Variants in LIN7A observed in about 807,000 individuals in gnomAD.
The protein encoded by LIN7A is lin-7 cell polarity scaffold A.
A neutral mutation model predicts 29.8 loss-of-function variants in LIN7A; 25 were observed. That is an observed-to-expected ratio of 0.84 (90% confidence interval 0.61 to 1.17). The LOEUF is 1.17. Among genes scored for constraint, LIN7A ranks in the 50% most tolerant of loss-of-function variants. The probability of loss-of-function intolerance (pLI) is 0.00; values close to 1 mark genes in which losing one functional copy is unlikely to be tolerated. For synonymous variants in LIN7A, 118 were observed against 107.5 expected (o/e 1.10, Z -0.60); for missense variants, 239 against 287.0 (o/e 0.83, Z 1.21).
At chr12:80,886,241 G>A (rs1258603962) in intron 2 of LIN7A, among the ~76,000 whole-genome samples, 1 of 151,000 alleles carries the variant, frequency 6.6e-6, no homozygotes, top group East Asian at 1.9e-4. Flanking sequence ...CAGTACCCAA[G>A]ACACCAGAAG....
At chr12:80,815,890 AG>A (rs1871506199) in intron 4 of LIN7A, among the ~76,000 whole-genome samples, 1 of 152,162 alleles carries the variant, frequency 6.6e-6, no homozygotes, top group Non-Finnish European at 1.5e-5. Context: ...GAACAGCCTG[AG>A]GGTATATAGT....
chr12:80,838,176 G>A (rs1048084988), intron 4 of LIN7A, among the ~76,000 whole-genome samples: 4 of 152,118 alleles, frequency 2.6e-5, no homozygotes, highest in Non-Finnish European at 5.9e-5. Context: ...GAGACTTGCC[G>A]TTTAGCACCG....
chr12:80,848,050 T>A, intron 3 of LIN7A: 1 of 673,842 alleles, frequency 1.5e-6, no homozygotes, highest in Non-Finnish European at 2.7e-6. Context: ...TCTCCTTTCT[T>A]AAGCTACAGA....
intron 1 of LIN7A, among the ~76,000 whole-genome samples, chr12:80,890,970 T>TC (rs1165821614): frequency 2.6e-5 from 4 of 151,172 alleles, no homozygotes; most frequent in Admixed American, 1.3e-4. Context: ...TCATTTTTTT[T>TC]CCCCCTAAAA....
chr12:80,813,402 ATAACT>A (rs907211975), intron 4 of LIN7A, among the ~76,000 whole-genome samples: 31 of 152,336 alleles, frequency 2.0e-4, no homozygotes, highest in East Asian at 3.9e-4. Context: ...CAGACTGCTA[ATAACT>A]TAACAAAAAC....
intron 2 of LIN7A, among the ~76,000 whole-genome samples, chr12:80,873,773 A>T (rs1874541785): frequency 6.6e-6 from 1 of 151,792 alleles, no homozygotes; most frequent in African/African-American, 2.4e-5. Flanking sequence ...CTAATCCCTC[A>T]CCTGGACTAT....
At chr12:80,923,299 C>T (rs1208463179) in intron 1 of LIN7A, among the ~76,000 whole-genome samples, 1 of 152,146 alleles carries the variant, frequency 6.6e-6, no homozygotes, top group Non-Finnish European at 1.5e-5. Context: ...GCTGGCTTTC[C>T]TGGTTCTGAG....
chr12:80,876,076 C>A (rs2400844), intron 2 of LIN7A, among the ~76,000 whole-genome samples: 2 of 147,802 alleles, frequency 1.4e-5, no homozygotes, highest in Admixed American at 6.7e-5. Context: ...CACACACACA[C>A]ACACAGAGAG....
chr12:80,830,666 A>C (rs1449009062), intron 4 of LIN7A, among the ~76,000 whole-genome samples: 1 of 152,224 alleles, frequency 6.6e-6, no homozygotes, highest in South Asian at 2.1e-4. Context: ...TAAAAATTGA[A>C]AATGAAAGTG....
intron 4 of LIN7A, among the ~76,000 whole-genome samples, chr12:80,816,238 C>T (rs1276197744): frequency 6.6e-6 from 1 of 152,084 alleles, no homozygotes; most frequent in African/African-American, 2.4e-5. Flanking sequence ...GACCCCATCT[C>T]TACAAAGAAT....
chr12:80,904,042 A>G (rs1185628890), intron 1 of LIN7A, among the ~76,000 whole-genome samples: 5 of 152,090 alleles, frequency 3.3e-5, no homozygotes, highest in African/African-American at 1.2e-4. Flanking sequence ...ACTTTTTTCT[A>G]TGTGGGCAAG....
At chr12:80,845,236 CAAAAAA>C (rs68031488) in intron 4 of LIN7A, among the ~76,000 whole-genome samples, 24 of 118,572 alleles carry the variant, frequency 2.0e-4, no homozygotes, top group Middle Eastern at 4.7e-3. Flanking sequence ...GATTCCATCT[CAAAAAA>C]AAAAAAAAAA....
rs1871053516 is a variant in LIN7A at position 80,807,077 on chromosome 12, T to TTTTTTTTTTTTTTTG, written c.*4373_*4387dup. Among the ~76,000 whole-genome samples the TTTTTTTTTTTTTTTG allele has an allele frequency of 3.1e-3, 357 of 115,522 alleles. 21 individuals are homozygous for TTTTTTTTTTTTTTTG. The highest frequency in any genetic ancestry group is 5.6e-3 in the East Asian group (21 of 3,778). The allele number at this position is 115,522 out of a possible 152,430, so 75.8% of individuals were successfully genotyped here. On this transcript the variant is annotated intron_variant, in intron 5 of 5. Coordinates refer to ENST00000552864, the MANE Select transcript of LIN7A (RefSeq NM_004664.4). Reference sequence around the variant, plus strand: ...ATGAAGATGGAGTTTTTTTTTTTTTTTTTTTTTTTTTTTTGACGGAGTCTC... The same window carrying TTTTTTTTTTTTTTTG: ...ATGAAGATGGAGTTTTTTTTTTTTTTTTTTTTTTTTTTTTGTTTTTTTTTTTTTTGACGGAGTCTC...
chr12:80,873,808 T>G (rs1451111580), intron 2 of LIN7A, among the ~76,000 whole-genome samples: 1 of 151,722 alleles, frequency 6.6e-6, no homozygotes, highest in Non-Finnish European at 1.5e-5. Flanking sequence ...TATCTTATAT[T>G]TTTTTTATTG....
At chr12:80,842,389 G>A (rs964334576) in intron 4 of LIN7A, among the ~76,000 whole-genome samples, 3 of 152,034 alleles carry the variant, frequency 2.0e-5, no homozygotes, top group African/African-American at 4.8e-5. Flanking sequence ...TTTAGAAAAA[G>A]GATATGTCAT....
At chr12:80,867,890 G>A (rs1181451537) in intron 2 of LIN7A, among the ~76,000 whole-genome samples, 1 of 152,138 alleles carries the variant, frequency 6.6e-6, no homozygotes, top group Non-Finnish European at 1.5e-5. Context: ...ACACAGAAAT[G>A]TAATGTATTA....
chr12:80,919,975 C>G lies in LIN7A; in HGVS notation c.82+17666G>C, dbSNP rs77104285. Among the ~76,000 whole-genome samples the G allele has an allele frequency of 3.3e-5, 5 of 152,274 alleles. No homozygotes were observed. The South Asian group carries it at 1.0e-3, about 32-fold the overall frequency. On this transcript the variant is annotated intron_variant, in intron 1 of 5. Coordinates refer to ENST00000552864, the MANE Select transcript of LIN7A (RefSeq NM_004664.4). ...TAGAGGGCAAAGAGACAGAATCTCT[C>G]GGTGACACATGTGCACAGTGGAGCA...
At chr12:80,857,977 A>T (rs549481724) in intron 2 of LIN7A, among the ~76,000 whole-genome samples, 1 of 152,242 alleles carries the variant, frequency 6.6e-6, no homozygotes, top group East Asian at 1.9e-4. Flanking sequence ...GAGACGATTA[A>T]ATGTCTCCTT....
At chr12:80,801,334 G>T (rs549590572) in intron 5 of LIN7A, among the ~76,000 whole-genome samples, 10 of 152,104 alleles carry the variant, frequency 6.6e-5, no homozygotes, top group Non-Finnish European at 1.3e-4. Context: ...GCGTTGTGAT[G>T]AAGGCAGAGG....
Sources: gnomAD v4.1 joint callset for allele counts (sites outside exome capture counted in the v4.1 genomes callset) on GRCh38, gnomAD v4.1.1 for gene constraint, MANE v1.5 for transcripts, NCBI Gene and HGNC (gene_info 2026-07-23, HGNC 2026-07-21) for gene names.